The following NLRP2 variants were observed in gnomAD, a reference collection of about 807,000 sequenced individuals.
NLRP2 encodes NACHT, LRR and PYD domains-containing protein 2.
NLRP2 carries 107 observed loss-of-function variants against 97.2 expected under a neutral mutation model. The observed-to-expected ratio is 1.10, with a 90% CI of 0.94 to 1.29. NLRP2 has a LOEUF of 1.29. Among genes scored for constraint, NLRP2 ranks in the 50% most tolerant of loss-of-function variants. NLRP2 has a pLI of 0.00. For missense variants in NLRP2, 1,495 were observed against 1,330.3 expected, an observed-to-expected ratio of 1.12 and a Z score of -1.93; for synonymous variants, 663 against 551.5, an observed-to-expected ratio of 1.20 and a Z score of -2.83.
chr19:54,994,928 T>C (rs918262836), intron 11 of NLRP2, among the ~76,000 whole-genome samples: 1 of 151,516 alleles, frequency 6.6e-6, no homozygotes, highest in Admixed American at 6.6e-5. Flanking sequence ...AGTTCTAGTC[T>C]GTGTCATGCA....
chr19:54,995,725 C>T (rs368781010), intron 11 of NLRP2, among the ~76,000 whole-genome samples: 1 of 152,076 alleles, frequency 6.6e-6, no homozygotes, highest in Non-Finnish European at 1.5e-5. Context: ...ACCTGGAATC[C>T]TATCTGGGAG....
At chr19:54,998,042 T>TTTTC (rs1568545631) in intron 12 of NLRP2, among the ~76,000 whole-genome samples, 1 of 147,662 alleles carries the variant, frequency 6.8e-6, no homozygotes, top group Non-Finnish European at 1.5e-5. Flanking sequence ...TTTTTTTTTT[T>TTTTC]CTGAGATGGA....
chr19:54,968,883 A>G (rs1221340407), intron 1 of NLRP2, among the ~76,000 whole-genome samples: 2 of 151,530 alleles, frequency 1.3e-5, no homozygotes, highest in Non-Finnish European at 2.9e-5. Context: ...TTGTATTTTT[A>G]GTAGAGACGG....
chr19:54,976,812 C>CTCTTTTTTTTTTTTT (rs1555768188), intron 3 of NLRP2: 5 of 329,378 alleles, frequency 1.5e-5, no homozygotes, highest in African/African-American at 9.8e-5. Flanking sequence ...TGTTCTCTCT[C>CTCTTTTTTTTTTTTT]TTTTTTTTTT....
intron 8 of NLRP2, among the ~76,000 whole-genome samples, chr19:54,988,369 T>C (rs939773814): frequency 9.9e-5 from 15 of 152,158 alleles, no homozygotes; most frequent in Non-Finnish European, 1.9e-4. Flanking sequence ...CTTGGTTCAC[T>C]GCAACCTCTG....
chr19:54,975,121 T>G (rs1021882882), intron 3 of NLRP2, among the ~76,000 whole-genome samples: 145 of 83,942 alleles, frequency 1.7e-3, no homozygotes, highest in African/African-American at 6.0e-3. Flanking sequence ...TTTTTTTTTT[T>G]TTTTTTTTTT....
chr19:54,986,346 C>A, intron 8 of NLRP2, 31 bp downstream of exon 8: 2 of 1,594,092 alleles, frequency 1.3e-6, no homozygotes, highest in South Asian at 2.2e-5. Flanking sequence ...AATCCTTCAT[C>A]ATACAAACAT....
In NLRP2 at chr19:54,986,276, A is replaced by T. The variant is rs2072078484; in HGVS notation, c.2327A>T (p.Glu776Val). 12 of 1,613,958 alleles carry T rather than the reference A, an allele frequency of 7.4e-6. No individual in the cohort carries two copies. Among genetic ancestry groups the T allele is most frequent in the Non-Finnish European group, 1.0e-5 (12 of 1,179,966 alleles). Residue 776 changes from glutamate (E) to valine (V), a missense_variant, in exon 8 of 13, where the codon GAG (glutamate) becomes GTG (valine). Transcript: ENST00000448584. ...DQDDMFPALC[E>V]VLRHPECNLR... Reference sequence around the variant, plus strand: ...GATGATATGTTTCCCGCATTGTGTGAGGTCTTGAGACATCCAGAATGTAAC... The same window carrying T: ...GATGATATGTTTCCCGCATTGTGTGTGGTCTTGAGACATCCAGAATGTAAC...
In NLRP2 at chr19:54,968,207, C is replaced by T. The variant is rs550088208; in HGVS notation, c.-18+1740C>T. 6.8e-3 allele frequency among the ~76,000 whole-genome samples: 892 copies of T among 131,752 alleles called. 3 individuals are homozygous for T. Among genetic ancestry groups the T allele is most frequent in the Non-Finnish European group, 9.4e-3 (563 of 59,758 alleles). 86.4% of individuals were successfully genotyped at this position (131,752 alleles called of 152,430 possible). ...TGCTGTGATTACAGGCGTGAGCCACCGCACCCGGCCCTGTTGTTTTTAAAA... is the reference window on the plus strand; with the variant it reads ...TGCTGTGATTACAGGCGTGAGCCACTGCACCCGGCCCTGTTGTTTTTAAAA... On this transcript the variant is annotated intron_variant, in intron 1 of 12. Transcript: ENST00000448584.
chr19:54,982,128 T>C (rs1314098260), intron 5 of NLRP2, 34 bp from the exon 6 acceptor site: 1 of 1,613,306 alleles, frequency 6.2e-7, no homozygotes, highest in Non-Finnish European at 8.5e-7. Flanking sequence ...ACTGATTGCA[T>C]CCTCTCTCCC....
chr19:54,976,578 C>G (rs2071241849), intron 3 of NLRP2, among the ~76,000 whole-genome samples: 1 of 151,998 alleles, frequency 6.6e-6, no homozygotes, highest in Non-Finnish European at 1.5e-5. Context: ...AACTGCTGAC[C>G]TCAAATGAAC....
At chr19:54,984,485 C>CTTTTTCTTTTT (rs2071911468) in intron 6 of NLRP2, among the ~76,000 whole-genome samples, 1 of 76,914 alleles carries the variant, frequency 1.3e-5, no homozygotes, top group Non-Finnish European at 2.3e-5. Flanking sequence ...TATTCCCAAT[C>CTTTTTCTTTTT]TTTTTTTTTT....
rs1247177445 is a variant in NLRP2, at chr19:54,983,477, G to T, written c.1779G>T (p.Lys593Asn). Reference sequence around the variant, plus strand: ...TGCTGCGATGCGACATAAGTTGTAAGGGTGGACATTCAACGGTGACAGACC... The same window carrying T: ...TGCTGCGATGCGACATAAGTTGTAATGGTGGACATTCAACGGTGACAGACC... ...QELLRCDISCKGGHSTVTDLQ... is the reference protein window; with the variant it reads ...QELLRCDISCNGGHSTVTDLQ... Residue 593 changes from lysine (K) to asparagine (N), a missense_variant, in exon 6 of 13, where the codon AAG becomes AAT. Coordinates refer to ENST00000448584, the MANE Select transcript of NLRP2 (RefSeq NM_017852.5). The T allele has an allele frequency of 6.2e-7, 1 of 1,614,212 alleles. No individual in the cohort carries two copies. Among genetic ancestry groups the T allele is most frequent in the Non-Finnish European group, 8.5e-7 (1 of 1,180,050 alleles).
At position 54,982,745 on chromosome 19, in the gene NLRP2, G is replaced by A; in HGVS notation, c.1047G>A (p.Glu349=). The A allele has an allele frequency of 6.2e-7, 1 of 1,614,132 alleles. No homozygotes were observed. Among genetic ancestry groups the A allele is most frequent in the Non-Finnish European group, 8.5e-7 (1 of 1,180,006 alleles). Residue 349 remains glutamate (E), a synonymous_variant, in exon 6 of 13, where the codon GAG becomes GAA. Transcript: ENST00000448584. The stretch of plus-strand genomic sequence containing the variant: ...TGAGGGACCTCCGGATCCTGGCGGA[G>A]GAGCCGATCTACATAAGGGTGGAGG... The part of the protein sequence containing the change: ...RALRDLRILA[E]EPIYIRVEGF...
At chr19:54,970,770 CTTTT>C (rs34406686) in intron 2 of NLRP2, among the ~76,000 whole-genome samples, 1 of 108,474 alleles carries the variant, frequency 9.2e-6, no homozygotes, top group Non-Finnish European at 1.9e-5. Flanking sequence ...CTACCTACTT[CTTTT>C]TTTTTTTTTT....
In NLRP2 at chr19:54,982,288, A is replaced by T; in HGVS notation, c.590A>T (p.Asn197Ile). 1 of 1,613,962 alleles carries T rather than the reference A, an allele frequency of 6.2e-7. No individual in the cohort carries two copies. Among genetic ancestry groups the T allele is most frequent in the Non-Finnish European group, 8.5e-7 (1 of 1,179,980 alleles). The stretch of plus-strand genomic sequence containing the variant: ...TACAAGATGCTGATCCCATTCAGCA[A>T]CCCCAGGGTGCTTCCCGGGCCCTTC... ...ERYKMLIPFSNPRVLPGPFSY... is the reference protein window; with the variant it reads ...ERYKMLIPFSIPRVLPGPFSY... Residue 197 changes from asparagine to isoleucine, a missense_variant, in exon 6 of 13, where the codon AAC (asparagine) becomes ATC (isoleucine). Coordinates refer to ENST00000448584, the MANE Select transcript of NLRP2 (RefSeq NM_017852.5).
chr19:54,975,246 G>A (rs750545256), intron 3 of NLRP2, among the ~76,000 whole-genome samples: 3 of 145,100 alleles, frequency 2.1e-5, no homozygotes, highest in Non-Finnish European at 3.0e-5. Context: ...TCAGCCTCCT[G>A]AGTAGCTGGG....
chr19:54,988,654 G>T (rs935294429), intron 8 of NLRP2, among the ~76,000 whole-genome samples: 17 of 151,954 alleles, frequency 1.1e-4, no homozygotes, highest in Non-Finnish European at 2.2e-4. Context: ...CAAAATGCTG[G>T]GATTACAGCC....
intron 1 of NLRP2, among the ~76,000 whole-genome samples, 162 bp from the exon 2 acceptor site, chr19:54,969,837 A>T (rs908400575): frequency 6.6e-6 from 1 of 152,076 alleles, no homozygotes; most frequent in Admixed American, 6.6e-5. Flanking sequence ...CTTATTTTTC[A>T]TGGAGATGGG....
Sources: gnomAD v4.1 joint callset for allele counts (sites outside exome capture counted in the v4.1 genomes callset) on GRCh38, gnomAD v4.1.1 for gene constraint, MANE v1.5 for transcripts, NCBI Gene and HGNC (gene_info 2026-07-23, HGNC 2026-07-21) for gene names.